Variants in GLT1D1 observed in about 807,000 individuals in gnomAD.
The protein encoded by GLT1D1 is glycosyltransferase 1 domain containing 1, also known as glycosyltransferase 1 domain-containing protein 1.
In GLT1D1, 21 loss-of-function variants were observed where a neutral mutation model predicts 28.7. The ratio of observed to expected loss-of-function variants is 0.73; its 90% confidence interval spans 0.52 to 1.05. The LOEUF (loss-of-function observed/expected upper bound fraction) is 1.05. Among genes scored for constraint, GLT1D1 ranks in the 50% least tolerant of loss-of-function variants. The probability of loss-of-function intolerance (pLI) is 0.00; values close to 1 mark genes in which losing one functional copy is unlikely to be tolerated. For missense variants in GLT1D1, 343 were observed against 330.6 expected (o/e 1.04, Z -0.29); for synonymous variants, 147 against 124.8 (o/e 1.18, Z -1.19).
At chr12:128,891,580 A>C (rs567228751) in intron 3 of GLT1D1, among the ~76,000 whole-genome samples, 5 of 152,228 alleles carry the variant, frequency 3.3e-5, no homozygotes, top group Non-Finnish European at 5.9e-5. Context: ...AGCTCTGGCC[A>C]GGGAATTTGG....
chr12:128,971,438 CTCCCTTCCTCTCTCCCTCCA>C (rs1349446678), intron 7 of GLT1D1, among the ~76,000 whole-genome samples: 17 of 120,114 alleles, frequency 1.4e-4, no homozygotes, highest in Middle Eastern at 4.5e-3. Flanking sequence ...CTCCTCCTCC[CTCCCTTCCTCTCTCCCTCCA>C]TCCCTCCCTC....
At chr12:128,909,789 G>A (rs1159347338) in intron 4 of GLT1D1, among the ~76,000 whole-genome samples, 2 of 152,150 alleles carry the variant, frequency 1.3e-5, no homozygotes, top group Non-Finnish European at 2.9e-5. Context: ...TAGGATCCTG[G>A]CTTTTTATAT....
At chr12:128,955,014 C>A (rs1056575091) in intron 6 of GLT1D1, among the ~76,000 whole-genome samples, 4 of 152,116 alleles carry the variant, frequency 2.6e-5, no homozygotes, top group African/African-American at 9.7e-5. Flanking sequence ...TTCCCACTAC[C>A]CTTTTGAAAG....
At chr12:128,879,771 C>A (rs989440980) in intron 2 of GLT1D1, among the ~76,000 whole-genome samples, 2 of 152,102 alleles carry the variant, frequency 1.3e-5, no homozygotes, top group African/African-American at 4.8e-5. Context: ...CCTGTTATTT[C>A]TTTTTAAAGG....
intron 7 of GLT1D1, among the ~76,000 whole-genome samples, chr12:128,961,567 G>A (rs867534147): frequency 3.9e-5 from 6 of 152,202 alleles, no homozygotes; most frequent in African/African-American, 1.2e-4. Flanking sequence ...GGCAAAGAAC[G>A]ATGACTATCG....
At chr12:128,884,200 G>GTA (rs35014901) in intron 2 of GLT1D1, among the ~76,000 whole-genome samples, 2,201 of 152,114 alleles carry the variant, frequency 0.014, 59 homozygotes, top group African/African-American at 0.05. Context: ...AGAAAATGGG[G>GTA]TATATATATA....
chr12:128,947,694 C>G (rs967775679), intron 6 of GLT1D1, among the ~76,000 whole-genome samples: 1 of 152,166 alleles, frequency 6.6e-6, no homozygotes, highest in South Asian at 2.1e-4. Flanking sequence ...TAAAATAAAA[C>G]TGGGATAGCA....
intron 1 of GLT1D1, among the ~76,000 whole-genome samples, chr12:128,866,141 T>C (rs1956511576): frequency 1.3e-5 from 2 of 150,276 alleles, no homozygotes; most frequent in South Asian, 4.2e-4. Context: ...TGATCTTGGC[T>C]CACTGCAAGC....
chr12:128,898,200 T>G (rs1869867565), intron 3 of GLT1D1, among the ~76,000 whole-genome samples: 1 of 151,998 alleles, frequency 6.6e-6, no homozygotes, highest in South Asian at 2.1e-4. Context: ...TCTTCTTTCT[T>G]CTTCCTCTGT....
At chr12:128,965,958 T>C (rs1878419179) in intron 7 of GLT1D1, among the ~76,000 whole-genome samples, 1 of 152,194 alleles carries the variant, frequency 6.6e-6, no homozygotes, top group Admixed American at 6.5e-5. Context: ...GTGATGCCAA[T>C]GCAGCTGGCT....
chr12:128,928,613 T>C (rs1593145149), intron 4 of GLT1D1, among the ~76,000 whole-genome samples: 1 of 141,012 alleles, frequency 7.1e-6, no homozygotes, highest in Admixed American at 7.1e-5. Context: ...GTGTTTGTGG[T>C]TTTTTTTTTT....
At chr12:128,931,468 C>T (rs533332633) in intron 4 of GLT1D1, among the ~76,000 whole-genome samples, 28 of 151,598 alleles carry the variant, frequency 1.8e-4, no homozygotes, top group African/African-American at 5.8e-4. Context: ...CCACTACGTC[C>T]GGCAAATTTT....
intron 7 of GLT1D1, among the ~76,000 whole-genome samples, chr12:128,962,058 C>T (rs953492199): frequency 1.4e-5 from 2 of 139,154 alleles, no homozygotes; most frequent in African/African-American, 5.3e-5. Context: ...TGTCCTATGG[C>T]GGCCCCATGT....
At chr12:128,973,254 C>T (rs564712566) in intron 7 of GLT1D1, among the ~76,000 whole-genome samples, 6 of 127,066 alleles carry the variant, frequency 4.7e-5, no homozygotes, top group African/African-American at 1.8e-4. Flanking sequence ...ACGATATTGG[C>T]TCATTGTAAC....
intron 4 of GLT1D1, among the ~76,000 whole-genome samples, chr12:128,931,641 C>A (rs979694237): frequency 6.6e-6 from 1 of 152,136 alleles, no homozygotes; most frequent in Non-Finnish European, 1.5e-5. Context: ...AACACGGCAC[C>A]TCCCCTCTAA....
At chr12:128,969,111 CTCTG>C (rs1050758215) in intron 7 of GLT1D1, among the ~76,000 whole-genome samples, 1 of 125,242 alleles carries the variant, frequency 8.0e-6, no homozygotes, top group Non-Finnish European at 1.6e-5. Flanking sequence ...CTGTGTCTCT[CTCTG>C]TCTCTGTTTC....
At chr12:128,856,167 C>T (rs75053051) in intron 1 of GLT1D1, among the ~76,000 whole-genome samples, 14,762 of 152,182 alleles carry the variant, frequency 0.097, 814 homozygotes, top group East Asian at 0.18. Context: ...CATGCATTTG[C>T]AAACTGTCAT....
At chr12:128,918,388 G>A (rs1358869239) in intron 4 of GLT1D1, among the ~76,000 whole-genome samples, 1 of 152,100 alleles carries the variant, frequency 6.6e-6, no homozygotes, top group Non-Finnish European at 1.5e-5. Context: ...CTAGGTGATG[G>A]GTTGATAGAT....
chr12:128,876,131 A>C, intron 2 of GLT1D1, 69 bp downstream of exon 2: 1 of 1,358,780 alleles, frequency 7.4e-7, no homozygotes, highest in Non-Finnish European at 1.0e-6. Context: ...GTAATGTCCA[A>C]TAACACGGGA....
Sources: gnomAD v4.1 joint callset for allele counts (sites outside exome capture counted in the v4.1 genomes callset) on GRCh38, gnomAD v4.1.1 for gene constraint, MANE v1.5 for transcripts, NCBI Gene and HGNC (gene_info 2026-07-23, HGNC 2026-07-21) for gene names.